The following AGBL4 variants were observed in gnomAD, a reference collection of about 807,000 sequenced individuals.
The protein encoded by AGBL4 is AGBL carboxypeptidase 4.
Under a neutral mutation model 66.4 loss-of-function variants are expected in AGBL4, and 58 were observed. The ratio of observed to expected loss-of-function variants is 0.87; its 90% confidence interval spans 0.71 to 1.09. The LOEUF (loss-of-function observed/expected upper bound fraction) is 1.09, where lower values mean the gene tolerates loss of function less well. AGBL4 is among the 50% of genes least tolerant of loss of function. AGBL4 has a pLI of 0.00. For missense variants in AGBL4, 579 were observed against 631.0 expected, an observed-to-expected ratio of 0.92 and a Z score of 0.88; for synonymous variants, 234 against 222.9, an observed-to-expected ratio of 1.05 and a Z score of -0.44.
chr1:49,040,307 C>T (rs1265240823), intron 5 of AGBL4, among the ~76,000 whole-genome samples: 1 of 152,042 alleles, frequency 6.6e-6, no homozygotes, highest in African/African-American at 2.4e-5. Context: ...ATAAAAATTA[C>T]AGATAATTCT....
chr1:49,908,871 A>G (rs902950300), intron 1 of AGBL4, among the ~76,000 whole-genome samples: 1 of 152,218 alleles, frequency 6.6e-6, no homozygotes, highest in East Asian at 1.9e-4. Context: ...GTCAATATCC[A>G]TTAATAATAC....
chr1:49,512,606 G>T (rs1023827083), intron 3 of AGBL4, among the ~76,000 whole-genome samples: 7 of 151,738 alleles, frequency 4.6e-5, no homozygotes, highest in African/African-American at 1.7e-4. Flanking sequence ...CTTCTGCCGT[G>T]ATTGGAAGCC....
At chr1:48,828,922 C>T (rs1015534593) in intron 6 of AGBL4, among the ~76,000 whole-genome samples, 2 of 151,942 alleles carry the variant, frequency 1.3e-5, no homozygotes, top group African/African-American at 2.4e-5. Flanking sequence ...GCATTGTGTA[C>T]GTGTGTGTGT....
intron 2 of AGBL4, among the ~76,000 whole-genome samples, chr1:49,745,388 C>G (rs930498734): frequency 6.6e-6 from 1 of 151,912 alleles, no homozygotes; most frequent in Non-Finnish European, 1.5e-5. Flanking sequence ...TACAATTATT[C>G]TATTTTATTA....
intron 6 of AGBL4, among the ~76,000 whole-genome samples, chr1:48,687,983 T>C (rs893662283): frequency 5.3e-5 from 8 of 152,250 alleles, no homozygotes; most frequent in Non-Finnish European, 1.2e-4. Flanking sequence ...CCCTGATGTG[T>C]ATATATTTAT....
intron 3 of AGBL4, among the ~76,000 whole-genome samples, chr1:49,473,931 A>AGTTGGCT (rs1454173268): frequency 6.6e-6 from 1 of 152,028 alleles, no homozygotes; most frequent in African/African-American, 2.4e-5. Flanking sequence ...GTTGAATATC[A>AGTTGGCT]GTTGGCTGTA....
intron 3 of AGBL4, among the ~76,000 whole-genome samples, chr1:49,292,549 C>T (rs930460542): frequency 6.6e-6 from 1 of 152,156 alleles, no homozygotes; most frequent in Non-Finnish European, 1.5e-5. Flanking sequence ...ACTGAGCAGA[C>T]ATGGGGATGA....
chr1:48,626,990 TCC>T (rs2148404799), intron 9 of AGBL4, among the ~76,000 whole-genome samples: 1 of 152,220 alleles, frequency 6.6e-6, no homozygotes, highest in African/African-American at 2.4e-5. Flanking sequence ...CCTCCTGTCC[TCC>T]TAGTTTATTT....
Position 50,023,748 on chromosome 1 carries a change from G to A in AGBL4, c.34+15C>T. The A allele has an allele frequency of 3.9e-6, 6 of 1,547,678 alleles. No individual in the cohort carries two copies. Among genetic ancestry groups the A allele is most frequent in the Non-Finnish European group, 5.2e-6 (6 of 1,145,274 alleles). ...GGCCGCCTCAGCCTTCCCCAGATCGGCCGCCCCCACAGACCTGCCTCAGGC... is the reference window on the plus strand; with the variant it reads ...GGCCGCCTCAGCCTTCCCCAGATCGACCGCCCCCACAGACCTGCCTCAGGC... On this transcript the variant is annotated intron_variant, in intron 1 of 13. Coordinates refer to ENST00000371839, the MANE Select transcript of AGBL4 (RefSeq NM_032785.4).
At chr1:49,948,021 TA>T (rs1655483203) in intron 1 of AGBL4, among the ~76,000 whole-genome samples, 1 of 86,834 alleles carries the variant, frequency 1.2e-5, no homozygotes, top group Non-Finnish European at 1.9e-5. Context: ...TATATAAATA[TA>T]TATAAATATA....
intron 6 of AGBL4, among the ~76,000 whole-genome samples, chr1:48,703,696 A>G (rs1192589713): frequency 1.3e-5 from 2 of 152,266 alleles, no homozygotes; most frequent in Non-Finnish European, 2.9e-5. Context: ...ACACACAGGT[A>G]GGAAAACAGG....
intron 3 of AGBL4, among the ~76,000 whole-genome samples, chr1:49,427,025 T>G (rs1479891200): frequency 6.6e-6 from 1 of 152,078 alleles, no homozygotes; most frequent in Non-Finnish European, 1.5e-5. Flanking sequence ...TGAGCTTACA[T>G]CCAAACAAGA....
At chr1:49,396,348 G>A (rs545931668) in intron 3 of AGBL4, among the ~76,000 whole-genome samples, 2 of 150,654 alleles carry the variant, frequency 1.3e-5, no homozygotes, top group African/African-American at 4.8e-5. Context: ...GAATGTGTGT[G>A]TGTGCGTGTG....
At chr1:49,303,010 C>T (rs1288794539) in intron 3 of AGBL4, among the ~76,000 whole-genome samples, 1 of 152,040 alleles carries the variant, frequency 6.6e-6, no homozygotes, top group African/African-American at 2.4e-5. Context: ...CTTTTCATGG[C>T]TGCATAGTAT....
chr1:49,596,044 A>T (rs1458969582), intron 3 of AGBL4, among the ~76,000 whole-genome samples: 1 of 152,138 alleles, frequency 6.6e-6, no homozygotes, highest in African/African-American at 2.4e-5. Flanking sequence ...GCAGGTTCTA[A>T]ACACAGAAAG....
chr1:48,914,794 G>C (rs961492704), intron 5 of AGBL4, among the ~76,000 whole-genome samples: 2 of 152,186 alleles, frequency 1.3e-5, no homozygotes, highest in Non-Finnish European at 2.9e-5. Flanking sequence ...GGCAAGACAA[G>C]TGTAGTGCCC....
At chr1:49,766,644 TAAA>T (rs879640296) in intron 2 of AGBL4, among the ~76,000 whole-genome samples, 1 of 141,968 alleles carries the variant, frequency 7.0e-6, no homozygotes. Context: ...CAAGCTGGAT[TAAA>T]AAAAAAAAAG....
At chr1:49,413,767 G>A (rs1645368608) in intron 3 of AGBL4, among the ~76,000 whole-genome samples, 1 of 152,178 alleles carries the variant, frequency 6.6e-6, no homozygotes, top group African/African-American at 2.4e-5. Context: ...AAAATGCAGA[G>A]GTGACATTAT....
intron 1 of AGBL4, among the ~76,000 whole-genome samples, chr1:49,936,487 C>A (rs377675800): frequency 6.6e-6 from 1 of 152,044 alleles, no homozygotes; most frequent in Non-Finnish European, 1.5e-5. Context: ...ATACAGAGAA[C>A]GCCACAAAGA....
Sources: allele counts gnomAD v4.1 joint callset (sites outside exome capture counted in the v4.1 genomes callset), GRCh38; gene constraint gnomAD v4.1.1; transcripts MANE v1.5; gene names NCBI Gene and HGNC (gene_info 2026-07-23, HGNC 2026-07-21).